The following RAB43 variants were observed in gnomAD, a reference collection of about 807,000 sequenced individuals.
RAB43 encodes ras-related protein Rab-43.
A neutral mutation model predicts 18.8 loss-of-function variants in RAB43; 6 were observed. That is an observed-to-expected ratio of 0.32 (90% CI 0.17 to 0.63). The LOEUF is 0.63. Ranked by LOEUF, RAB43 falls within the 30% of genes least tolerant of loss-of-function variation. The pLI is 0.79. For missense variants in RAB43, 195 were observed against 289.1 expected (o/e 0.67, Z 2.36); for synonymous variants, 103 against 124.1 (o/e 0.83, Z 1.13).
chr3:129,095,216 A>G lies in RAB43; in HGVS notation c.205-47T>C. ...GTGAACCCAGTGGCACAGGCTGAAC[A>G]TGGGGACAGGCAGAGTGACCCCACA... On this transcript the variant is annotated intron_variant, in intron 1 of 2. Transcript: ENST00000315150. This position sits in a 1 kb window ranked among gnomAD's most constrained non-coding sequence, Gnocchi z 4.2. The G allele has an allele frequency of 6.3e-7, 1 of 1,588,634 alleles. No individual in the cohort carries two copies. The highest frequency in any genetic ancestry group is 8.6e-7 in the Non-Finnish European group (1 of 1,165,748).
rs554094450 is a variant in RAB43, at chr3:129,112,371, T to G, written c.204+8915A>C. ...AAAAATATCCAATTTTTATACTCCA[T>G]GGCCATAAAAATGGTGGGCATGGAG... On this transcript the variant is annotated intron_variant, in intron 1 of 2. Transcript: ENST00000315150. Among the ~76,000 whole-genome samples, 43 of 152,270 alleles carry G rather than the reference T, an allele frequency of 2.8e-4. No homozygotes were observed. The South Asian group carries it at 8.7e-3, about 31-fold the overall frequency.
upstream of RAB43, chr3:129,121,875 C>T (rs1935964673): frequency 6.5e-6 from 1 of 153,360 alleles, no homozygotes; most frequent in Admixed American, 6.6e-5. Context: ...CCCACTCCGC[C>T]CCCAGCCCAA....
intron 1 of RAB43, among the ~76,000 whole-genome samples, chr3:129,104,251 G>A (rs1215573538): frequency 6.6e-6 from 1 of 152,164 alleles, no homozygotes; most frequent in African/African-American, 2.4e-5. Flanking sequence ...CAAGTTGAGA[G>A]CGGAAACCGC....
At chr3:129,113,988 C>T (rs1053377099) in intron 1 of RAB43, among the ~76,000 whole-genome samples, 1 of 151,972 alleles carries the variant, frequency 6.6e-6, no homozygotes. Flanking sequence ...GATCACGCCT[C>T]GCGCCACTGC....
chr3:129,112,179 C>T (rs1302409415), intron 1 of RAB43, among the ~76,000 whole-genome samples: 1 of 151,554 alleles, frequency 6.6e-6, no homozygotes, highest in Non-Finnish European at 1.5e-5. Flanking sequence ...CACCTGAGCC[C>T]AAGGGGCAGA....
Position 129,087,738 on chromosome 3 carries a change from C to T in RAB43, c.*3358G>A, listed in dbSNP as rs573311299. The T allele has an allele frequency of 1.7e-3, 254 of 148,390 alleles. 2 individuals are homozygous for T. The highest frequency in any genetic ancestry group is 6.4e-3 in the African/African-American group (246 of 38,372). 9.2% of individuals were successfully genotyped at this position (148,390 alleles called of 1,614,324 possible). A position where few individuals can be genotyped will look rare whatever the true frequency, so the allele number is the denominator to read the frequency against. ...TTACCAAATGCAAATGGAATACTTGCGCTGACTGAAGCCCTGTTCACCCCA... is the reference window on the plus strand; with the variant it reads ...TTACCAAATGCAAATGGAATACTTGTGCTGACTGAAGCCCTGTTCACCCCA... On this transcript the variant is annotated 3_prime_UTR_variant, in exon 3 of 3. Coordinates refer to ENST00000315150, the MANE Select transcript of RAB43 (RefSeq NM_198490.3).
chr3:129,116,777 T>C (rs1466288494), intron 1 of RAB43, among the ~76,000 whole-genome samples: 2 of 152,166 alleles, frequency 1.3e-5, no homozygotes, highest in African/African-American at 4.8e-5. Flanking sequence ...AGGGGTACAG[T>C]TCCATAAGGC....
At chr3:129,113,058 C>T (rs1047372110) in intron 1 of RAB43, among the ~76,000 whole-genome samples, 3 of 151,942 alleles carry the variant, frequency 2.0e-5, no homozygotes, top group Admixed American at 6.6e-5. Flanking sequence ...AGCATCACAG[C>T]GGATGAAACC....
intron 2 of RAB43, among the ~76,000 whole-genome samples, chr3:129,093,565 G>A (rs531139360): frequency 3.3e-5 from 5 of 152,112 alleles, no homozygotes; most frequent in East Asian, 1.9e-4. Context: ...AGCCAAGATC[G>A]TGCCACTGCA....
intron 1 of RAB43, among the ~76,000 whole-genome samples, chr3:129,096,848 C>G (rs747757928): frequency 3.3e-4 from 51 of 152,264 alleles, no homozygotes; most frequent in Non-Finnish European, 5.9e-4. Flanking sequence ...TGCGGTGGCT[C>G]AAGCCTGTAA....
chr3:129,092,622 G>T, intron 2 of RAB43: 1 of 580,630 alleles, frequency 1.7e-6, no homozygotes, highest in South Asian at 2.1e-5. Flanking sequence ...ATATAAGTAT[G>T]CATAAATAAA....
At chr3:129,121,056 C>T (rs1271406929) in intron 1 of RAB43, among the ~76,000 whole-genome samples, 2 of 134,412 alleles carry the variant, frequency 1.5e-5, no homozygotes, top group East Asian at 5.2e-4. Context: ...GCCGCCTCCT[C>T]CACACTCCCT....
At chr3:129,098,364 A>T (rs1457600796) in intron 1 of RAB43, among the ~76,000 whole-genome samples, 1 of 152,190 alleles carries the variant, frequency 6.6e-6, no homozygotes. Flanking sequence ...AAACATAAAA[A>T]ACAAGCCTAA....
Position 129,087,780 on chromosome 3 carries a change from G to T in RAB43, c.*3316C>A, listed in dbSNP as rs1446440674. The T allele has an allele frequency of 6.6e-6, 1 of 150,404 alleles. No homozygotes were observed. Among genetic ancestry groups the T allele is most frequent in the African/African-American group, 2.5e-5 (1 of 40,696 alleles). The allele number at this position is 150,404 out of a possible 1,614,324, so 9.3% of individuals were successfully genotyped here. A position where few individuals can be genotyped will look rare whatever the true frequency, so the allele number is the denominator to read the frequency against. ...TTCACCCCAAGTCCAGGCCCTGCAGGGGTCCGAGGGTCTCTGCTGGAGGAG... is the reference window on the plus strand; with the variant it reads ...TTCACCCCAAGTCCAGGCCCTGCAGTGGTCCGAGGGTCTCTGCTGGAGGAG... On this transcript the variant is annotated 3_prime_UTR_variant, in exon 3 of 3. Coordinates refer to ENST00000315150, the MANE Select transcript of RAB43 (RefSeq NM_198490.3).
intron 1 of RAB43, among the ~76,000 whole-genome samples, chr3:129,098,376 C>T (rs142772415): frequency 1.1e-3 from 160 of 152,232 alleles, no homozygotes; most frequent in African/African-American, 3.7e-3. Context: ...CAAGCCTAAA[C>T]GAATAACTTC....
In RAB43 at chr3:129,121,379, G is replaced by T. The variant is rs1351808947; in HGVS notation, c.111C>A (p.Arg37=). The T allele has an allele frequency of 6.2e-7, 1 of 1,612,378 alleles. No individual in the cohort carries two copies. Among genetic ancestry groups the T allele is most frequent in the East Asian group, 2.2e-5 (1 of 44,820 alleles). Reference sequence around the variant, plus strand: ...GCTCCGAGAAGGCGCCGGTCTTGAAGCGCTGCACCACGCACGTCTTGCCCA... The same window carrying T: ...GCTCCGAGAAGGCGCCGGTCTTGAATCGCTGCACCACGCACGTCTTGCCCA... ...ASVGKTCVVQ[R]FKTGAFSERQ... is the part of the protein sequence containing the mutation. Residue 37 remains arginine (R), a synonymous_variant, in exon 1 of 3, where the codon CGC becomes CGA. Coordinates refer to ENST00000315150, the MANE Select transcript of RAB43 (RefSeq NM_198490.3).
chr3:129,096,668 C>A (rs1157250445), intron 1 of RAB43, among the ~76,000 whole-genome samples: 1 of 152,084 alleles, frequency 6.6e-6, no homozygotes, highest in Non-Finnish European at 1.5e-5. Flanking sequence ...AGAATAGTAT[C>A]TTTTTTGGTG....
intron 1 of RAB43, among the ~76,000 whole-genome samples, chr3:129,104,934 G>C (rs1273665161): frequency 1.3e-5 from 2 of 152,126 alleles, no homozygotes; most frequent in Non-Finnish European, 2.9e-5. Flanking sequence ...GTCCAACCCT[G>C]AGCAGAATTA....
chr3:129,092,121 G>A (rs1576812978), intron 2 of RAB43, among the ~76,000 whole-genome samples: 1 of 150,216 alleles, frequency 6.7e-6, no homozygotes, highest in East Asian at 1.9e-4. Context: ...CTTAATTGAT[G>A]TAGCAACCAG....
Sources: allele counts gnomAD v4.1 joint callset (sites outside exome capture counted in the v4.1 genomes callset), GRCh38; gene constraint gnomAD v4.1.1; non-coding constraint Gnocchi (gnomAD v3.1); transcripts MANE v1.5; gene names NCBI Gene and HGNC (gene_info 2026-07-23, HGNC 2026-07-21).